NDC1: variants seen among roughly 807,000 people sequenced by gnomAD.
NDC1 encodes the protein nucleoporin NDC1.
Under a neutral mutation model 89.8 loss-of-function variants are expected in NDC1, and 24 were observed. That is an observed-to-expected ratio of 0.27 (90% CI 0.19 to 0.38). NDC1 has a LOEUF of 0.38. Among genes scored for constraint, NDC1 ranks in the 10% least tolerant of loss-of-function variants. The pLI, the probability that NDC1 is intolerant of heterozygous loss-of-function variation, is 1.00. For missense variants in NDC1, 728 were observed against 797.6 expected (o/e 0.91, Z 1.05); for synonymous variants, 296 against 284.8 (o/e 1.04, Z -0.39).
At chr1:53,810,490 A>G (rs571462688) in intron 6 of NDC1, among the ~76,000 whole-genome samples, 1 of 152,300 alleles carries the variant, frequency 6.6e-6, no homozygotes, top group East Asian at 1.9e-4. Flanking sequence ...CGAAATTTGA[A>G]TTGAACATAA....
intron 5 of NDC1, among the ~76,000 whole-genome samples, chr1:53,820,486 C>A (rs1056180296): frequency 2.6e-5 from 4 of 151,602 alleles, no homozygotes; most frequent in Middle Eastern, 3.4e-3. Context: ...TGTATACATA[C>A]GTAACAAACC....
intron 4 of NDC1, among the ~76,000 whole-genome samples, chr1:53,827,084 TGTTTACCAACAGGACAGTTTTTACCA>T (rs1444508390): frequency 6.6e-6 from 1 of 152,108 alleles, no homozygotes; most frequent in Non-Finnish European, 1.5e-5. Flanking sequence ...TATCATTTAA[TGTTTACCAACAGGACAGTTTTTACCA>T]AAGAAAGCCT....
intron 1 of NDC1, among the ~76,000 whole-genome samples, chr1:53,836,535 C>T (rs891975412): frequency 2.6e-5 from 4 of 151,916 alleles, no homozygotes; most frequent in African/African-American, 9.7e-5. Context: ...CTCGCTCTGT[C>T]CCCCAGGCTA....
intron 4 of NDC1, among the ~76,000 whole-genome samples, chr1:53,827,721 T>G (rs993778229): frequency 6.6e-6 from 1 of 152,228 alleles, no homozygotes; most frequent in Admixed American, 6.5e-5. Flanking sequence ...TACATCCCTC[T>G]GCATCCATGT....
chr1:53,815,817 T>C (rs1242564347), intron 6 of NDC1, among the ~76,000 whole-genome samples: 1 of 152,098 alleles, frequency 6.6e-6, no homozygotes, highest in Non-Finnish European at 1.5e-5. Context: ...AGTGACCAAG[T>C]GGAGAATCAA....
chr1:53,834,932 A>C (rs1194693299), intron 2 of NDC1, among the ~76,000 whole-genome samples: 1 of 151,968 alleles, frequency 6.6e-6, no homozygotes, highest in African/African-American at 2.4e-5. Context: ...ACGTGGCAAA[A>C]CCCCGTATCT....
chr1:53,808,021 A>C (rs1407262924), intron 7 of NDC1, among the ~76,000 whole-genome samples: 1 of 152,232 alleles, frequency 6.6e-6, no homozygotes, highest in Non-Finnish European at 1.5e-5. Flanking sequence ...TCCTGTGTTC[A>C]AAATCTTCAC....
chr1:53,836,471 A>C (rs920512367), intron 1 of NDC1, among the ~76,000 whole-genome samples: 1 of 149,000 alleles, frequency 6.7e-6, no homozygotes, highest in Non-Finnish European at 1.5e-5. Flanking sequence ...AAAAAAAAAG[A>C]ATAAAGTTGA....
At chr1:53,838,160 C>G in intron 1 of NDC1, 45 bp downstream of exon 1, 6 of 1,518,768 alleles carry the variant, frequency 4.0e-6, no homozygotes, top group Non-Finnish European at 5.3e-6. Flanking sequence ...CTTGCCCGCC[C>G]GGCCCGACCC....
intron 8 of NDC1, among the ~76,000 whole-genome samples, chr1:53,807,074 G>T (rs541632718): frequency 4.0e-5 from 6 of 151,566 alleles, no homozygotes; most frequent in African/African-American, 1.5e-4. Context: ...GTGAAACCCT[G>T]TCTCTACTAA....
chr1:53,838,107 C>T (rs1181201), intron 1 of NDC1, 98 bp downstream of exon 1: 69,259 of 1,137,418 alleles, frequency 0.061, 4,477 homozygotes, highest in African/African-American at 0.31. Context: ...CACGCTGCCC[C>T]GGGACCGGCC....
intron 10 of NDC1, among the ~76,000 whole-genome samples, chr1:53,802,761 GAGAACTGGCAA>G (rs1219569837): frequency 6.6e-6 from 1 of 152,192 alleles, no homozygotes; most frequent in Non-Finnish European, 1.5e-5. Flanking sequence ...AGGAACAACA[GAGAACTGGCAA>G]AGTCACAGTC....
chr1:53,819,325 C>T (rs544550990), intron 5 of NDC1, among the ~76,000 whole-genome samples: 2 of 152,318 alleles, frequency 1.3e-5, no homozygotes, highest in African/African-American at 4.8e-5. Context: ...TCAATCCATA[C>T]TTGGTACTAA....
chr1:53,786,107 G>C (rs1647296544), intron 16 of NDC1, among the ~76,000 whole-genome samples: 1 of 151,722 alleles, frequency 6.6e-6, no homozygotes, highest in Non-Finnish European at 1.5e-5. Context: ...CTATTTTTTT[G>C]TAGAGATAGG....
At position 53,806,449 on chromosome 1, in the gene NDC1, A is replaced by G. The variant is rs780719341; in HGVS notation, c.960T>C (p.Asn320=). The G allele has an allele frequency of 1.9e-6, 3 of 1,545,756 alleles. No individual in the cohort carries two copies. Among genetic ancestry groups the G allele is most frequent in the Admixed American group, 2.3e-5 (1 of 44,336 alleles). Residue 320 remains asparagine (N), a synonymous_variant, in exon 9 of 18, where the codon AAT becomes AAC. Coordinates refer to ENST00000371429, the MANE Select transcript of NDC1 (RefSeq NM_018087.5). ...CCTTTATGATGGGGGGAGGATTGCT[A>G]TTTAACACTTTTGGAAGGCACTCAT... The part of the protein sequence containing the change: ...GSDECLPKVL[N]SNPPPIIKYL...
chr1:53,810,345 T>C (rs1648261749), intron 6 of NDC1, among the ~76,000 whole-genome samples: 2 of 151,050 alleles, frequency 1.3e-5, no homozygotes, highest in South Asian at 4.2e-4. Context: ...GCATGACCCC[T>C]GCGCAAGGAT....
Position 53,807,701 on chromosome 1 carries a change from C to T in NDC1, c.846G>A (p.Thr282=), listed in dbSNP as rs752028133. 6 of 1,613,588 alleles carry T rather than the reference C, an allele frequency of 3.7e-6. No individual in the cohort carries two copies. Among genetic ancestry groups the T allele is most frequent in the South Asian group, 2.2e-5 (2 of 91,020 alleles). Residue 282 remains threonine (T), a synonymous_variant, in exon 8 of 18, where the codon ACG becomes ACA. Transcript: ENST00000371429. ...HVWLCGVFLL[T]TWYVSWILFK... Reference sequence around the variant, plus strand: ...AGAGTATCCATGAGACATACCAAGTCGTCAGGAGAAAGACACCACACAGCC... The same window carrying T: ...AGAGTATCCATGAGACATACCAAGTTGTCAGGAGAAAGACACCACACAGCC...
intron 10 of NDC1, 25 bp downstream of exon 10, chr1:53,803,903 T>C: frequency 6.5e-7 from 1 of 1,549,034 alleles, no homozygotes; most frequent in Middle Eastern, 1.7e-4. Flanking sequence ...ATATGCCTAA[T>C]CAAGTCTATT....
rs144738088 is a variant in NDC1, at chr1:53,800,484, G to A, written c.1222+209C>T. On this transcript the variant is annotated intron_variant, in intron 11 of 17. Coordinates refer to ENST00000371429, the MANE Select transcript of NDC1 (RefSeq NM_018087.5). ...TGGGACTACAGGTGCACGCCACCAC[G>A]CCCAGCTAATTTTTGTATTTTTAGT... Among the ~76,000 whole-genome samples the A allele has an allele frequency of 0.012, 1,780 of 151,768 alleles. 13 individuals are homozygous for A. The highest frequency in any genetic ancestry group is 0.017 in the Non-Finnish European group (1,136 of 67,898).
Sources: allele counts gnomAD v4.1 joint callset (sites outside exome capture counted in the v4.1 genomes callset), GRCh38; gene constraint gnomAD v4.1.1; transcripts MANE v1.5; gene names NCBI Gene and HGNC (gene_info 2026-07-23, HGNC 2026-07-21).